Variants in WFS1 observed in about 807,000 individuals in gnomAD.
The protein encoded by WFS1 is wolframin ER transmembrane glycoprotein, also known as wolframin.
WFS1 carries 90 observed loss-of-function variants against 68.5 expected under a neutral mutation model. That is an observed-to-expected ratio of 1.31 (90% CI 1.11 to 1.56). WFS1 has a LOEUF of 1.56. Ranked by LOEUF, WFS1 falls within the 40% of genes most tolerant of loss-of-function variation. WFS1 has a pLI of 0.00. For synonymous variants in WFS1, 860 were observed against 540.7 expected (o/e 1.59, Z -8.19); for missense variants, 1,767 against 1,232.6 (o/e 1.43, Z -6.49).
rs1363398808 is a variant in WFS1 at position 6,301,865 on chromosome 4, C to T, written c.2070C>T (p.Cys690=). 2 of 1,612,812 alleles carry T rather than the reference C, an allele frequency of 1.2e-6. No homozygotes were observed. The highest frequency in any genetic ancestry group is 1.7e-6 in the Non-Finnish European group (2 of 1,179,852). ...ACATGGCGCGCACCCAGATCCTCTG[C>T]AGCCACCTGGAGGGCCACAGGGTCA... ...ETNMARTQIL[C]SHLEGHRVTW... is the part of the protein sequence containing the mutation. Residue 690 remains cysteine, a synonymous_variant, in exon 8 of 8, where the codon TGC becomes TGT. Transcript: ENST00000226760.
chr4:6,297,602 T>G (rs948334959), intron 7 of WFS1, among the ~76,000 whole-genome samples: 10 of 152,188 alleles, frequency 6.6e-5, no homozygotes, highest in African/African-American at 2.4e-4. Context: ...TTCCCCAGCC[T>G]GCCTTCTTCA....
rs375740310 is a variant in WFS1 at position 6,301,994 on chromosome 4, C to T, written c.2199C>T (p.Cys733=). The change falls in exon 8 of 8, where the codon TGC becomes TGT. Residue 733 remains cysteine (C), a synonymous_variant. Coordinates refer to ENST00000226760, the MANE Select transcript of WFS1 (RefSeq NM_006005.3). ...TCTTCATCGGCGACTGGATGCGCTG[C>T]CTCTACGGCGAGGCCTACCCTGCCT... is the stretch of plus-strand genomic sequence containing the variant. The part of the protein sequence containing the change: ...LPFFIGDWMR[C]LYGEAYPACS... 2.5e-6 allele frequency: 4 copies of T among 1,612,578 alleles called. No individual in the cohort carries two copies. The highest frequency in any genetic ancestry group is 3.3e-4 in the Middle Eastern group (2 of 6,084).
chr4:6,278,060 G>A (rs1343399474), intron 2 of WFS1, among the ~76,000 whole-genome samples: 1 of 152,264 alleles, frequency 6.6e-6, no homozygotes, highest in Non-Finnish European at 1.5e-5. Context: ...ACTCTCGGGA[G>A]TGAGGCCACA....
chr4:6,298,475 A>G (rs1429797352), intron 7 of WFS1, among the ~76,000 whole-genome samples: 1 of 149,922 alleles, frequency 6.7e-6, no homozygotes, highest in Non-Finnish European at 1.5e-5. Flanking sequence ...TAGCTGCTTT[A>G]ATCGTTTATT....
chr4:6,298,326 C>A (rs993401834), intron 7 of WFS1, among the ~76,000 whole-genome samples: 2 of 152,222 alleles, frequency 1.3e-5, no homozygotes, highest in African/African-American at 2.4e-5. Flanking sequence ...TTCATAAATG[C>A]CCTCTGGCTC....
In WFS1 at chr4:6,287,573, G is replaced by A. The variant is rs539997959; in HGVS notation, c.315+398G>A. Among the ~76,000 whole-genome samples the A allele has an allele frequency of 6.6e-5, 10 of 152,326 alleles. No homozygotes were observed. The highest frequency in any genetic ancestry group is 3.9e-4 in the East Asian group (2 of 5,182). Reference sequence around the variant, plus strand: ...GCTGTGTGCACGGGGCCCTCAGAGCGGTGACCATTCACTTGGGCATCAGCC... The same window carrying A: ...GCTGTGTGCACGGGGCCCTCAGAGCAGTGACCATTCACTTGGGCATCAGCC... On this transcript the variant is annotated intron_variant, in intron 3 of 7. Coordinates refer to ENST00000226760, the MANE Select transcript of WFS1 (RefSeq NM_006005.3). This position sits in a 1 kb window ranked among gnomAD's most constrained non-coding sequence, Gnocchi z 6.4.
At position 6,301,623 on chromosome 4, in the gene WFS1, T is replaced by G. The variant is rs1730923104; in HGVS notation, c.1828T>G (p.Leu610Val). 2.5e-6 allele frequency: 4 copies of G among 1,614,128 alleles called. No individual in the cohort carries two copies. The highest frequency in any genetic ancestry group is 3.4e-6 in the Non-Finnish European group (4 of 1,180,010). ...TVAVCSVPLL[L>V]RWWTKASFSV... The stretch of plus-strand genomic sequence containing the variant: ...GGCGGTCTGTAGTGTGCCCCTGCTG[T>G]TGCGCTGGTGGACCAAGGCCAGCTT... Residue 610 changes from leucine to valine, a missense_variant, in exon 8 of 8, where the codon TTG becomes GTG. By Grantham distance (32) the Leu-to-Val change is conservative. Coordinates refer to ENST00000226760, the MANE Select transcript of WFS1 (RefSeq NM_006005.3).
Position 6,301,833 on chromosome 4 carries a change from G to C in WFS1, c.2038G>C (p.Glu680Gln), listed in dbSNP as rs1426434827. ...GALCGPRAWKETNMARTQILC... is the reference protein window; with the variant it reads ...GALCGPRAWKQTNMARTQILC... The stretch of plus-strand genomic sequence containing the variant: ...GCTGTGCGGGCCACGCGCCTGGAAG[G>C]AGACCAACATGGCGCGCACCCAGAT... Residue 680 changes from glutamate (E) to glutamine (Q), a missense_variant, in exon 8 of 8, where the codon GAG (glutamate) becomes CAG (glutamine). By Grantham distance (29) the Glu-to-Gln change is conservative. Transcript: ENST00000226760. 3.1e-6 allele frequency: 5 copies of C among 1,613,132 alleles called. No homozygotes were observed. The highest frequency in any genetic ancestry group is 4.2e-6 in the Non-Finnish European group (5 of 1,179,992).
chr4:6,302,693 A>G lies in WFS1; in HGVS notation c.*225A>G, dbSNP rs916454455. ...CCAAGTGTGTTGGGAATTGCATGCC[A>G]TCTCCACCCTGAGCCTGACCTTTCT... On this transcript the variant is annotated 3_prime_UTR_variant, in exon 8 of 8. Transcript: ENST00000226760. 17 of 655,662 alleles carry G rather than the reference A, an allele frequency of 2.6e-5. No homozygotes were observed. Among genetic ancestry groups the G allele is most frequent in the Non-Finnish European group, 3.9e-5 (15 of 387,990 alleles). 40.6% of individuals were successfully genotyped at this position (655,662 alleles called of 1,614,324 possible).
intron 5 of WFS1, 127 bp downstream of exon 5, chr4:6,291,494 C>T: frequency 7.7e-7 from 1 of 1,304,200 alleles, no homozygotes; most frequent in South Asian, 1.3e-5. Context: ...CCGGGACCTT[C>T]CCTGTGAGGA....
At chr4:6,271,497 A>C (rs887762806) in intron 1 of WFS1, among the ~76,000 whole-genome samples, 1 of 152,098 alleles carries the variant, frequency 6.6e-6, no homozygotes, top group African/African-American at 2.4e-5. Flanking sequence ...CGAAACACCC[A>C]TCCTTGACGG....
intron 7 of WFS1, among the ~76,000 whole-genome samples, chr4:6,299,519 GTGAA>G (rs1226843971): frequency 6.8e-6 from 1 of 146,888 alleles, no homozygotes; most frequent in Non-Finnish European, 1.5e-5. Context: ...TTGCGTGTGT[GTGAA>G]TGTGTATAGG....
intron 6 of WFS1, among the ~76,000 whole-genome samples, chr4:6,293,738 A>G (rs1439796158): frequency 6.6e-6 from 1 of 152,200 alleles, no homozygotes; most frequent in South Asian, 2.1e-4. Flanking sequence ...CTATGAGGAC[A>G]GGGGCCTTCC....
chr4:6,289,088 C>G lies in WFS1; in HGVS notation c.417C>G (p.Arg139=), dbSNP rs377209139. ...TCCTCGCCGCGAAGCAGGGCCGTCG[C>G]GAGGCTGTGAAGCTGCTTCGCCGGT... ...WLVLAAKQGR[R]EAVKLLRRCL... Residue 139 remains arginine (R), a synonymous_variant, in exon 4 of 8, where the codon CGC becomes CGG. Transcript: ENST00000226760. 49 of 1,585,520 alleles carry G rather than the reference C, an allele frequency of 3.1e-5. No homozygotes were observed. Among genetic ancestry groups the G allele is most frequent in the East Asian group, 1.6e-4 (7 of 43,432 alleles).
chr4:6,293,771 G>A (rs1380324309), intron 6 of WFS1, among the ~76,000 whole-genome samples: 2 of 152,198 alleles, frequency 1.3e-5, no homozygotes, highest in African/African-American at 2.4e-5. Flanking sequence ...GGGTCTTCCC[G>A]TAGGGACTGT....
intron 6 of WFS1, 188 bp from the exon 7 acceptor site, chr4:6,294,853 C>A: frequency 1.1e-6 from 1 of 881,732 alleles, no homozygotes; most frequent in Non-Finnish European, 1.7e-6. Flanking sequence ...GCAAACCTGC[C>A]CCCTTCCTCC....
intron 1 of WFS1, among the ~76,000 whole-genome samples, chr4:6,276,933 T>C (rs1730011284): frequency 6.6e-6 from 1 of 152,234 alleles, no homozygotes; most frequent in Admixed American, 6.5e-5. Flanking sequence ...TCTCTTCCTA[T>C]AGGCCATCAG....
intron 3 of WFS1, chr4:6,288,672 C>G (rs1296170943): frequency 1.9e-5 from 8 of 431,760 alleles, no homozygotes; most frequent in African/African-American, 1.6e-4. Context: ...GTTCTGATTT[C>G]CATGCATTGA....
chr4:6,299,613 AGGTTGCGTGTGTGTGTAGGGGTG>A (rs1331999904), intron 7 of WFS1, among the ~76,000 whole-genome samples: 4 of 17,124 alleles, frequency 2.3e-4, no homozygotes, highest in Non-Finnish European at 2.9e-4. Context: ...GAATGCAGGT[AGGTTGCGTGTGTGTGTAGGGGTG>A]GGTTGCGTGT....
Sources: allele counts gnomAD v4.1 joint callset (sites outside exome capture counted in the v4.1 genomes callset), GRCh38; gene constraint gnomAD v4.1.1; non-coding constraint Gnocchi (gnomAD v3.1); transcripts MANE v1.5; gene names NCBI Gene and HGNC (gene_info 2026-07-23, HGNC 2026-07-21).